Variants in ZNF730 observed in about 807,000 individuals in gnomAD.
ZNF730 encodes the protein putative zinc finger protein 730.
In ZNF730, 12 loss-of-function variants were observed where a neutral mutation model predicts 12.6. That is an observed-to-expected ratio of 0.95 (90% confidence interval 0.61 to 1.54). The LOEUF (loss-of-function observed/expected upper bound fraction) is 1.54. Among genes scored for constraint, ZNF730 ranks in the 40% most tolerant of loss-of-function variants. ZNF730 has a pLI of 0.00. For synonymous variants in ZNF730, 194 were observed against 195.8 expected (o/e 0.99, Z 0.08); for missense variants, 643 against 583.5 (o/e 1.10, Z -1.05).
At chr19:23,116,585 T>C (rs1429335510), upstream of ZNF730, among the ~76,000 whole-genome samples, 4 of 148,070 alleles carry the variant, frequency 2.7e-5, no homozygotes, top group African/African-American at 4.9e-5. Context: ...TTTTTTTTTT[T>C]TTTTTTTTGT....
intron 3 of ZNF730, among the ~76,000 whole-genome samples, chr19:23,140,097 A>G (rs1254235059): frequency 6.6e-6 from 1 of 151,996 alleles, no homozygotes; most frequent in African/African-American, 2.4e-5. Context: ...GTGTGTATCT[A>G]TAAATATGAC....
At chr19:23,097,525 C>T (rs191684659) in intron 1 of ZNF730, among the ~76,000 whole-genome samples, 36 of 152,298 alleles carry the variant, frequency 2.4e-4, no homozygotes, top group Non-Finnish European at 4.9e-4. Context: ...GGCATTGTGA[C>T]ATATTGCAGT....
chr19:23,112,845 G>A (rs1970474840), upstream of ZNF730, among the ~76,000 whole-genome samples: 2 of 152,142 alleles, frequency 1.3e-5, no homozygotes, highest in South Asian at 2.1e-4. Flanking sequence ...TATTTCACAA[G>A]TTAAAGAGAA....
At chr19:23,086,861 G>A (rs1019491706) in intron 1 of ZNF730, among the ~76,000 whole-genome samples, 12 of 152,026 alleles carry the variant, frequency 7.9e-5, no homozygotes, top group East Asian at 1.9e-4. Context: ...GAAAAGCATC[G>A]AATCTATAAA....
At chr19:23,143,835 CT>C (rs1970964471) in intron 3 of ZNF730, 1 of 152,122 alleles carries the variant, frequency 6.6e-6, no homozygotes, top group South Asian at 2.1e-4. Context: ...TGACACATCA[CT>C]TTTATCTTGT....
At chr19:23,129,918 C>T (rs969767950) in intron 1 of ZNF730, among the ~76,000 whole-genome samples, 2 of 148,242 alleles carry the variant, frequency 1.3e-5, no homozygotes, top group African/African-American at 2.5e-5. Flanking sequence ...GGCGTGAACC[C>T]GGAAGGCAGA....
chr19:23,088,015 G>T (rs1970094550), intron 1 of ZNF730, among the ~76,000 whole-genome samples: 1 of 151,468 alleles, frequency 6.6e-6, no homozygotes, highest in African/African-American at 2.4e-5. Context: ...TCTAGTTTTA[G>T]TTTTTGTTTG....
intron 3 of ZNF730, among the ~76,000 whole-genome samples, chr19:23,139,264 C>A (rs146464328): frequency 1.8e-4 from 27 of 152,044 alleles, no homozygotes; most frequent in Admixed American, 1.8e-3. Context: ...CATTGTAAAG[C>A]TATTCTTTGC....
chr19:23,087,526 T>A (rs1037380913), intron 1 of ZNF730, among the ~76,000 whole-genome samples: 1 of 152,210 alleles, frequency 6.6e-6, no homozygotes, highest in Non-Finnish European at 1.5e-5. Context: ...TATGGCATAT[T>A]CTCGATATAA....
chr19:23,085,753 T>G (rs2145461392), intron 1 of ZNF730, among the ~76,000 whole-genome samples: 1 of 149,800 alleles, frequency 6.7e-6, no homozygotes, highest in African/African-American at 2.4e-5. Flanking sequence ...TGACCTCAGG[T>G]GGTCCACCCG....
At chr19:23,117,222 T>G in intron 1 of ZNF730, 46 bp downstream of exon 1, 7 of 1,613,388 alleles carry the variant, frequency 4.3e-6, no homozygotes, top group Non-Finnish European at 5.9e-6. Context: ...CGGGGCTGGT[T>G]GGAACCGGTG....
upstream of ZNF730, among the ~76,000 whole-genome samples, chr19:23,113,381 G>A (rs767659575): frequency 2.6e-5 from 4 of 152,136 alleles, no homozygotes; most frequent in Non-Finnish European, 5.9e-5. Flanking sequence ...ATCACCTGTA[G>A]AATATAAAAT....
At chr19:23,106,111 A>G (rs1247867847) in intron 1 of ZNF730, among the ~76,000 whole-genome samples, 2 of 152,094 alleles carry the variant, frequency 1.3e-5, no homozygotes, top group South Asian at 4.1e-4. Flanking sequence ...AGCCTGAGCA[A>G]TATAACAAGA....
Position 23,134,489 on chromosome 19 carries a change from C to A in ZNF730, c.130+283C>A, listed in dbSNP as rs1357916074. ...GGAGGGAGGTGGGGGGGCCAGCCCC[C>A]CGCCCGGCCGGCCGCCCCGTCCGGG... On this transcript the variant is annotated intron_variant, in intron 2 of 3. Transcript: ENST00000597761. Among the ~76,000 whole-genome samples the A allele has an allele frequency of 6.1e-5, 9 of 148,648 alleles. No individual in the cohort carries two copies. The East Asian group carries it at 1.9e-3, about 31-fold the overall frequency.
At chr19:23,111,515 G>A (rs558372995) in intron 1 of ZNF730, among the ~76,000 whole-genome samples, 291 of 152,238 alleles carry the variant, frequency 1.9e-3, no homozygotes, top group Non-Finnish European at 1.9e-3. Flanking sequence ...TGGAGGCTGA[G>A]GTGGGTGGAA....
intron 1 of ZNF730, among the ~76,000 whole-genome samples, chr19:23,129,572 T>TCCCCCC (rs35242637): frequency 5.1e-5 from 7 of 138,484 alleles, no homozygotes; most frequent in African/African-American, 1.4e-4. Flanking sequence ...AATGCTTGTA[T>TCCCCCC]CCCCCCCCCC....
At chr19:23,111,227 G>T (rs958633470) in intron 1 of ZNF730, among the ~76,000 whole-genome samples, 1 of 152,112 alleles carries the variant, frequency 6.6e-6, no homozygotes, top group Non-Finnish European at 1.5e-5. Context: ...ATCCCAATAA[G>T]ACAATCAAAA....
chr19:23,115,373 A>G (rs186383297), upstream of ZNF730, among the ~76,000 whole-genome samples: 4 of 152,336 alleles, frequency 2.6e-5, no homozygotes, highest in Non-Finnish European at 4.4e-5. Flanking sequence ...TACTAATTGC[A>G]GAAATTGCAG....
Position 23,095,317 on chromosome 19 carries a change from G to C in ZNF730, c.-94+19930G>C, listed in dbSNP as rs77070846. 4.2e-3 allele frequency: 1,663 copies of C among 398,462 alleles called. 29 individuals carry two copies. The highest frequency in any genetic ancestry group is 0.031 in the African/African-American group (1,511 of 48,702). 24.7% of individuals were successfully genotyped at this position (398,462 alleles called of 1,614,324 possible). On this transcript the variant is annotated intron_variant, in intron 1 of 2. Coordinates refer to the ZNF730 transcript ENST00000593635. Reference sequence around the variant, plus strand: ...CACGTACGTTATGTGACTCTCCTGCGTGTGCCCTGTCCATGTGGGCCATTG... The same window carrying C: ...CACGTACGTTATGTGACTCTCCTGCCTGTGCCCTGTCCATGTGGGCCATTG...
Sources: allele counts gnomAD v4.1 joint callset (sites outside exome capture counted in the v4.1 genomes callset), GRCh38; gene constraint gnomAD v4.1.1; transcripts MANE v1.5; gene names NCBI Gene and HGNC (gene_info 2026-07-23, HGNC 2026-07-21).